PRRT1B: variants seen among roughly 807,000 people sequenced by gnomAD.
PRRT1B encodes the protein dispanin subfamily D member 2.
intron 1 of PRRT1B, among the ~76,000 whole-genome samples, chr9:131,548,971 C>G (rs1950992843): frequency 6.6e-6 from 1 of 152,186 alleles, no homozygotes. Context: ...TGTTTAGGCT[C>G]TTTTTCATCA....
downstream of PRRT1B, among the ~76,000 whole-genome samples, chr9:131,559,572 G>A (rs1200314077): frequency 6.6e-6 from 1 of 152,234 alleles, no homozygotes; most frequent in African/African-American, 2.4e-5. Context: ...GGCACCAGGG[G>A]CTGAAACAGG....
At chr9:131,552,699 G>A (rs1396020818) in intron 1 of PRRT1B, among the ~76,000 whole-genome samples, 2 of 150,658 alleles carry the variant, frequency 1.3e-5, no homozygotes, top group African/African-American at 2.4e-5. Flanking sequence ...TTGAGACGGA[G>A]TCTCACTCTG....
rs953894546 is a variant in PRRT1B, at chr9:131,551,833, G to C, written c.26-2724G>C. ...AAGACGGCCCACCCCATCTCCCTTC[G>C]CTGACTCTCTTTTTGGACTCAGCCT... On this transcript the variant is annotated intron_variant, in intron 1 of 3. Transcript: ENST00000636672. The surrounding 1 kb of genome is among the most constrained non-coding windows in gnomAD (Gnocchi z 4.4). Among the ~76,000 whole-genome samples, 11 of 150,350 alleles carry C rather than the reference G, an allele frequency of 7.3e-5. No individual in the cohort carries two copies. Among genetic ancestry groups the C allele is most frequent in the African/African-American group, 2.7e-4 (11 of 40,648 alleles).
At chr9:131,556,776 C>T (rs1159656268) in intron 3 of PRRT1B, among the ~76,000 whole-genome samples, 3 of 152,114 alleles carry the variant, frequency 2.0e-5, no homozygotes, top group South Asian at 2.1e-4. Context: ...GGATTACAGA[C>T]GCCCACCACC....
chr9:131,558,512 C>T (rs1032963721), exon 4 of PRRT1B: 2 of 254,576 alleles, frequency 7.9e-6, no homozygotes, highest in Non-Finnish European at 1.5e-5. Context: ...CCTCTCAAGG[C>T]CTTCCTGGGA....
chr9:131,558,227 G>A (rs557068234), exon 4 of PRRT1B: 10 of 400,832 alleles, frequency 2.5e-5, no homozygotes, highest in African/African-American at 6.2e-5. Context: ...CGGAGATGCC[G>A]GATGCCGGAA....
At position 131,555,154 on chromosome 9, in the gene PRRT1B, A is replaced by C. The variant is rs950481600; in HGVS notation, c.498+125A>C. 1.4e-3 allele frequency: 198 copies of C among 145,758 alleles called. No homozygotes were observed. In the African/African-American group the frequency reaches 0.019, roughly 14 times the overall value. 9.0% of individuals were successfully genotyped at this position (145,758 alleles called of 1,614,324 possible). ...CGGGCGAGTCCGGGAGGCTCCCTGGAGGTGGGGGCATTTGAGCGGGGTTTT... is the reference window on the plus strand; with the variant it reads ...CGGGCGAGTCCGGGAGGCTCCCTGGCGGTGGGGGCATTTGAGCGGGGTTTT... On this transcript the variant is annotated intron_variant, in intron 2 of 3. Coordinates refer to ENST00000636672, the Ensembl canonical transcript of PRRT1B.
downstream of PRRT1B, among the ~76,000 whole-genome samples, chr9:131,559,264 G>A (rs193044827): frequency 1.8e-4 from 27 of 152,328 alleles, no homozygotes; most frequent in East Asian, 3.9e-4. Context: ...CCAACATGGC[G>A]AAGTCCTGTC....
chr9:131,546,223 C>A (rs1358034907), intron 1 of PRRT1B, among the ~76,000 whole-genome samples: 1 of 152,132 alleles, frequency 6.6e-6, no homozygotes, highest in African/African-American at 2.4e-5. Flanking sequence ...GGAGACAGAG[C>A]CTGCAGTAGG....
chr9:131,545,665 G>A (rs922348489), intron 1 of PRRT1B, 25 bp downstream of exon 1: 77 of 401,240 alleles, frequency 1.9e-4, no homozygotes, highest in African/African-American at 1.3e-3. Context: ...GGTGCTGGTG[G>A]GACAGGTACT....
intron 1 of PRRT1B, 147 bp downstream of exon 1, chr9:131,545,787 G>C: frequency 2.5e-6 from 1 of 402,206 alleles, no homozygotes; most frequent in Non-Finnish European, 4.4e-6. Context: ...TGCTGGAGGG[G>C]GTGTAAGGGG....
intron 1 of PRRT1B, 72 bp from the exon 2 acceptor site, chr9:131,554,485 G>A: frequency 2.7e-6 from 1 of 369,450 alleles, no homozygotes. Flanking sequence ...TGGTTCGTGG[G>A]AACTGCGGGA....
At chr9:131,547,209 C>T (rs112832621) in intron 1 of PRRT1B, among the ~76,000 whole-genome samples, 6,338 of 151,518 alleles carry the variant, frequency 0.042, 429 homozygotes, top group African/African-American at 0.15. Flanking sequence ...ATTACAGGCG[C>T]CCAATGTCAG....
chr9:131,556,593 T>TA (rs929096862), intron 3 of PRRT1B, among the ~76,000 whole-genome samples: 4 of 152,058 alleles, frequency 2.6e-5, no homozygotes, highest in African/African-American at 4.8e-5. Context: ...GCTACCCATC[T>TA]ATTCACCCAC....
At chr9:131,553,310 C>A (rs897817207) in intron 1 of PRRT1B, among the ~76,000 whole-genome samples, 1 of 152,172 alleles carries the variant, frequency 6.6e-6, no homozygotes, top group East Asian at 1.9e-4. Context: ...CCCTGTTAAC[C>A]TGGAGAGAAA....
chr9:131,548,035 G>A (rs1950987090), intron 1 of PRRT1B, among the ~76,000 whole-genome samples: 1 of 152,192 alleles, frequency 6.6e-6, no homozygotes, highest in Non-Finnish European at 1.5e-5. Flanking sequence ...ATTGGTATCT[G>A]ATCTCCGTGG....
chr9:131,547,157 C>T (rs981195619), intron 1 of PRRT1B, among the ~76,000 whole-genome samples: 9 of 150,092 alleles, frequency 6.0e-5, no homozygotes, highest in Admixed American at 6.0e-4. Context: ...CTGCAACCTC[C>T]TTTTCCCAGG....
downstream of PRRT1B, among the ~76,000 whole-genome samples, chr9:131,559,513 G>A (rs1951071495): frequency 6.6e-6 from 1 of 152,228 alleles, no homozygotes; most frequent in Non-Finnish European, 1.5e-5. Flanking sequence ...GATAGCTCAA[G>A]CTAAATCAGT....
At chr9:131,546,986 G>A (rs751441631) in intron 1 of PRRT1B, among the ~76,000 whole-genome samples, 2 of 151,010 alleles carry the variant, frequency 1.3e-5, no homozygotes, top group Admixed American at 6.6e-5. Flanking sequence ...AAAATGGGGA[G>A]CATAAAAACA....
Sources: allele counts gnomAD v4.1 joint callset (sites outside exome capture counted in the v4.1 genomes callset), GRCh38; gene constraint gnomAD v4.1.1; non-coding constraint Gnocchi (gnomAD v3.1); transcripts MANE v1.5; gene names NCBI Gene and HGNC (gene_info 2026-07-23, HGNC 2026-07-21).